The following ROBO1 variants were observed in gnomAD, a reference collection of about 807,000 sequenced individuals.
ROBO1 encodes the protein roundabout homolog 1.
In ROBO1, 149 loss-of-function variants were observed where a neutral mutation model predicts 195.9. That is an observed-to-expected ratio of 0.76 (90% confidence interval 0.67 to 0.87). ROBO1 has a LOEUF of 0.87. Ranked by LOEUF, ROBO1 falls within the 40% of genes least tolerant of loss-of-function variation. The pLI is 0.00. For missense variants in ROBO1, 1,933 were observed against 2,068.3 expected (o/e 0.93, Z 1.27); for synonymous variants, 816 against 733.2 (o/e 1.11, Z -1.82).
At chr3:79,161,368 C>T (rs973029227) in intron 2 of ROBO1, among the ~76,000 whole-genome samples, 5 of 151,946 alleles carry the variant, frequency 3.3e-5, no homozygotes, top group African/African-American at 2.4e-5. Flanking sequence ...TGACAATTCC[C>T]AATAACATCA....
intron 2 of ROBO1, among the ~76,000 whole-genome samples, chr3:79,501,470 G>A (rs1457576006): frequency 1.3e-5 from 2 of 152,156 alleles, no homozygotes; most frequent in Non-Finnish European, 2.9e-5. Context: ...ACTAAAGCTA[G>A]TAATGGTGAT....
intron 2 of ROBO1, among the ~76,000 whole-genome samples, chr3:79,227,318 T>A (rs2082243231): frequency 6.6e-6 from 1 of 152,200 alleles, no homozygotes; most frequent in Non-Finnish European, 1.5e-5. Flanking sequence ...GTTCTCCACT[T>A]GCTCTACGGT....
chr3:79,394,692 A>C (rs2037074307), intron 2 of ROBO1, among the ~76,000 whole-genome samples: 1 of 152,052 alleles, frequency 6.6e-6, no homozygotes, highest in Non-Finnish European at 1.5e-5. Flanking sequence ...ATTCTTCTTA[A>C]TAGAGTGAAT....
chr3:79,202,171 A>G (rs1055261664), intron 2 of ROBO1, among the ~76,000 whole-genome samples: 5 of 151,928 alleles, frequency 3.3e-5, no homozygotes, highest in Admixed American at 2.6e-4. Context: ...GAATCCTCCA[A>G]TACCGATAAC....
chr3:78,598,704 T>G lies in ROBO1; in HGVS notation c.*209A>C. 1 of 397,322 alleles carries G rather than the reference T, an allele frequency of 2.5e-6. No homozygotes were observed. The highest frequency in any genetic ancestry group is 4.5e-6 in the Non-Finnish European group (1 of 222,494). The allele number at this position is 397,322 out of a possible 1,614,324, so 24.6% of individuals were successfully genotyped here. On this transcript the variant is annotated 3_prime_UTR_variant, in exon 31 of 31. Transcript: ENST00000464233. ...TGGTTTGCTCCAACAGCGAGGGGAA[T>G]AGGAAGGCTCTTTGTAGGGTTAGGG... is the stretch of plus-strand genomic sequence containing the variant.
At chr3:79,284,867 C>T (rs905862928) in intron 2 of ROBO1, among the ~76,000 whole-genome samples, 2 of 151,856 alleles carry the variant, frequency 1.3e-5, no homozygotes. Context: ...TGATAAAATG[C>T]CACTTCAAAT....
At chr3:79,147,143 T>A (rs564761039) in intron 2 of ROBO1, among the ~76,000 whole-genome samples, 1 of 152,068 alleles carries the variant, frequency 6.6e-6, no homozygotes, top group East Asian at 1.9e-4. Flanking sequence ...TGATTTAAAT[T>A]CTAATTTTAT....
chr3:78,726,999 C>T (rs1392607049), intron 5 of ROBO1, among the ~76,000 whole-genome samples: 1 of 152,082 alleles, frequency 6.6e-6, no homozygotes, highest in African/African-American at 2.4e-5. Context: ...AATCTGGCTA[C>T]AAGAATAATA....
At chr3:79,467,177 A>T (rs1246483102) in intron 2 of ROBO1, among the ~76,000 whole-genome samples, 3 of 152,066 alleles carry the variant, frequency 2.0e-5, no homozygotes, top group Non-Finnish European at 2.9e-5. Flanking sequence ...ATACAAGAAA[A>T]TCCAGGTGGC....
intron 3 of ROBO1, among the ~76,000 whole-genome samples, chr3:78,962,430 T>C (rs2041400010): frequency 6.6e-6 from 1 of 152,190 alleles, no homozygotes; most frequent in African/African-American, 2.4e-5. Flanking sequence ...ATTTCCCTAA[T>C]AATTTGCAGT....
chr3:78,613,129 C>T (rs1703914816), intron 28 of ROBO1, among the ~76,000 whole-genome samples: 1 of 152,122 alleles, frequency 6.6e-6, no homozygotes, highest in Non-Finnish European at 1.5e-5. Flanking sequence ...GGCATGCTTA[C>T]ATTATTTAAA....
At chr3:79,410,296 C>A (rs563153967) in intron 2 of ROBO1, among the ~76,000 whole-genome samples, 1 of 152,192 alleles carries the variant, frequency 6.6e-6, no homozygotes, top group East Asian at 1.9e-4. Context: ...ATTTTATGTA[C>A]TATAGTGATT....
chr3:78,633,221 A>G (rs1705286810), intron 24 of ROBO1, among the ~76,000 whole-genome samples: 1 of 152,200 alleles, frequency 6.6e-6, no homozygotes, highest in Non-Finnish European at 1.5e-5. Context: ...TTTTGTTCTC[A>G]TTGTGGTGTG....
chr3:78,684,109 A>G (rs2080996463), intron 10 of ROBO1, among the ~76,000 whole-genome samples: 1 of 152,098 alleles, frequency 6.6e-6, no homozygotes, highest in Non-Finnish European at 1.5e-5. Context: ...AACAATGGAC[A>G]TGTACAGGAA....
At chr3:78,987,973 ATAAT>A (rs1361553523) in intron 3 of ROBO1, among the ~76,000 whole-genome samples, 3 of 152,174 alleles carry the variant, frequency 2.0e-5, no homozygotes, top group Admixed American at 1.3e-4. Context: ...TAAATAATAA[ATAAT>A]TGATGAACAA....
intron 1 of ROBO1, among the ~76,000 whole-genome samples, chr3:79,748,325 A>T (rs1703962437): frequency 6.6e-6 from 1 of 152,198 alleles, no homozygotes; most frequent in Non-Finnish European, 1.5e-5. Context: ...ATACTGTTAC[A>T]AATATTTTTA....
chr3:78,706,508 T>C (rs1476717083), intron 8 of ROBO1, among the ~76,000 whole-genome samples: 1 of 151,704 alleles, frequency 6.6e-6, no homozygotes, highest in Non-Finnish European at 1.5e-5. Flanking sequence ...TTAAAATTAT[T>C]TAAAACAATT....
chr3:79,507,044 C>T (rs1361337514), intron 2 of ROBO1, among the ~76,000 whole-genome samples: 2 of 152,182 alleles, frequency 1.3e-5, no homozygotes, highest in African/African-American at 2.4e-5. Context: ...AATCAACATA[C>T]ATAATAGAGC....
At chr3:79,082,056 T>C (rs1312216685) in intron 3 of ROBO1, among the ~76,000 whole-genome samples, 4 of 152,096 alleles carry the variant, frequency 2.6e-5, no homozygotes, top group Non-Finnish European at 5.9e-5. Context: ...CAAAAGAAAA[T>C]ATTACCTAGA....
Sources: gnomAD v4.1 joint callset for allele counts (sites outside exome capture counted in the v4.1 genomes callset) on GRCh38, gnomAD v4.1.1 for gene constraint, MANE v1.5 for transcripts, NCBI Gene and HGNC (gene_info 2026-07-23, HGNC 2026-07-21) for gene names.